The following NXPE2 variants were observed in gnomAD, a reference collection of about 807,000 sequenced individuals.
The protein encoded by NXPE2 is NXPE family member 2.
A neutral mutation model predicts 34.4 loss-of-function variants in NXPE2; 34 were observed. That is an observed-to-expected ratio of 0.99 (90% CI 0.75 to 1.31). The LOEUF (loss-of-function observed/expected upper bound fraction) is 1.31, where lower values mean the gene tolerates loss of function less well. Among genes scored for constraint, NXPE2 ranks in the 40% most tolerant of loss-of-function variants. NXPE2 has a pLI of 0.00. For synonymous variants in NXPE2, 235 were observed against 231.3 expected, an observed-to-expected ratio of 1.02 and a Z score of -0.15; for missense variants, 649 against 672.5, an observed-to-expected ratio of 0.97 and a Z score of 0.39.
At chr11:114,752,044 T>C in the NXPE2 span, among the ~76,000 whole-genome samples, 1 of 152,230 alleles carries the variant, frequency 6.6e-6, no homozygotes, top group Non-Finnish European at 1.5e-5. Context: ...CCTACAGAAC[T>C]GTGAGATAAT....
chr11:114,530,675 T>C, the NXPE2 span: 3 of 1,614,194 alleles, frequency 1.9e-6, no homozygotes, highest in Non-Finnish European at 2.5e-6. Context: ...CCCTGCAGTA[T>C]GTATCTCGAG....
chr11:114,709,987 C>T (rs1026378422), downstream of NXPE2, among the ~76,000 whole-genome samples: 3 of 151,676 alleles, frequency 2.0e-5, no homozygotes, highest in Non-Finnish European at 4.4e-5. Flanking sequence ...AAACATTGCA[C>T]TATTAAACAG....
the NXPE2 span, among the ~76,000 whole-genome samples, chr11:114,789,255 A>T: frequency 5.9e-5 from 9 of 152,138 alleles, no homozygotes; most frequent in African/African-American, 2.2e-4. Flanking sequence ...TCCATTTAGT[A>T]CTCCCTTGGT....
chr11:114,639,364 G>C, the NXPE2 span, among the ~76,000 whole-genome samples: 3 of 150,870 alleles, frequency 2.0e-5, no homozygotes, highest in African/African-American at 4.9e-5. Context: ...TCCAGGTGCC[G>C]TCTGTTACCC....
At chr11:114,712,141 C>A in the NXPE2 span, among the ~76,000 whole-genome samples, 1 of 152,038 alleles carries the variant, frequency 6.6e-6, no homozygotes, top group Non-Finnish European at 1.5e-5. Flanking sequence ...CACTTCTCGG[C>A]CTTTTGGCTA....
chr11:114,582,038 G>A, the NXPE2 span, among the ~76,000 whole-genome samples: 1 of 152,158 alleles, frequency 6.6e-6, no homozygotes, highest in East Asian at 1.9e-4. Context: ...ACACACATGT[G>A]CATTTCTCAT....
intron 2 of NXPE2, among the ~76,000 whole-genome samples, chr11:114,683,431 T>TC (rs1023078140): frequency 3.9e-4 from 59 of 151,580 alleles, no homozygotes; most frequent in African/African-American, 1.3e-3. Flanking sequence ...CAAAGTTTTT[T>TC]TTTTTTTTGA....
the NXPE2 span, among the ~76,000 whole-genome samples, chr11:114,747,605 C>G: frequency 6.6e-6 from 1 of 152,142 alleles, no homozygotes; most frequent in Admixed American, 6.5e-5. Flanking sequence ...ACATCTTACA[C>G]AGTGGCAGGA....
chr11:114,692,065 C>T (rs1951163202), intron 2 of NXPE2, among the ~76,000 whole-genome samples: 1 of 152,212 alleles, frequency 6.6e-6, no homozygotes, highest in African/African-American at 2.4e-5. Flanking sequence ...GGGGAACTCT[C>T]TGCATTCACC....
At chr11:114,596,029 G>C in the NXPE2 span, among the ~76,000 whole-genome samples, 1 of 152,132 alleles carries the variant, frequency 6.6e-6, no homozygotes. Context: ...ATAAATAACT[G>C]ATGAGAAAAA....
chr11:114,608,206 G>A, the NXPE2 span, among the ~76,000 whole-genome samples: 1 of 151,768 alleles, frequency 6.6e-6, no homozygotes, highest in South Asian at 2.1e-4. Flanking sequence ...TTACCCGGTG[G>A]ATAATACGTG....
At chr11:114,511,105 C>A in the NXPE2 span, among the ~76,000 whole-genome samples, 2 of 152,146 alleles carry the variant, frequency 1.3e-5, no homozygotes, top group South Asian at 4.2e-4. Context: ...ACATTGTTGG[C>A]GACCTACTCA....
chr11:114,740,470 GTA>G, the NXPE2 span, among the ~76,000 whole-genome samples: 1 of 152,070 alleles, frequency 6.6e-6, no homozygotes, highest in East Asian at 1.9e-4. Context: ...CATTTCCTTT[GTA>G]TATATACCCA....
At chr11:114,613,617 C>T in the NXPE2 span, among the ~76,000 whole-genome samples, 4 of 151,946 alleles carry the variant, frequency 2.6e-5, no homozygotes, top group African/African-American at 9.7e-5. Flanking sequence ...CATGGGTAAC[C>T]ACTGTTACAC....
At chr11:114,757,015 C>G in the NXPE2 span, among the ~76,000 whole-genome samples, 15 of 152,110 alleles carry the variant, frequency 9.9e-5, no homozygotes, top group Non-Finnish European at 8.8e-5. Flanking sequence ...CACAATAGTC[C>G]TTGTTAATTT....
chr11:114,580,318 C>G, the NXPE2 span: 1 of 1,613,938 alleles, frequency 6.2e-7, no homozygotes. Context: ...TTGCATTTCT[C>G]TTTCATTGCA....
the NXPE2 span, among the ~76,000 whole-genome samples, chr11:114,607,237 T>C: frequency 6.6e-6 from 1 of 151,988 alleles, no homozygotes; most frequent in African/African-American, 2.4e-5. Context: ...GTAACCACTG[T>C]TACCTGGTGG....
At chr11:114,468,044 A>G in the NXPE2 span, among the ~76,000 whole-genome samples, 1 of 151,970 alleles carries the variant, frequency 6.6e-6, no homozygotes, top group African/African-American at 2.4e-5. Flanking sequence ...AGGGTGTCCA[A>G]TCTTTTGGCT....
At chr11:114,551,700 C>G in the NXPE2 span, among the ~76,000 whole-genome samples, 1 of 151,906 alleles carries the variant, frequency 6.6e-6, no homozygotes, top group Non-Finnish European at 1.5e-5. Context: ...TTGCTGAATG[C>G]CAAGTCTGAA....
Sources: allele counts gnomAD v4.1 joint callset (sites outside exome capture counted in the v4.1 genomes callset), GRCh38; gene constraint gnomAD v4.1.1; transcripts MANE v1.5; gene names NCBI Gene and HGNC (gene_info 2026-07-23, HGNC 2026-07-21).